Variants in ABCA6 observed in about 807,000 individuals in gnomAD.
ABCA6 encodes ATP-binding cassette sub-family A member 6.
A neutral mutation model predicts 191.2 loss-of-function variants in ABCA6; 164 were observed. The ratio of observed to expected loss-of-function variants is 0.86; its 90% CI spans 0.76 to 0.98. ABCA6 has a LOEUF of 0.98. Among genes scored for constraint, ABCA6 ranks in the 50% least tolerant of loss-of-function variants. ABCA6 has a pLI of 0.00. For synonymous variants in ABCA6, 636 were observed against 647.7 expected (o/e 0.98, Z 0.27); for missense variants, 1,958 against 1,894.1 (o/e 1.03, Z -0.63).
Position 69,085,683 on chromosome 17 carries a change from G to A in ABCA6, c.3971C>T (p.Ala1324Val). The A allele has an allele frequency of 6.2e-7, 1 of 1,612,130 alleles. No homozygotes were observed. The highest frequency in any genetic ancestry group is 1.3e-5 in the African/African-American group (1 of 74,940). ...CATTCTAATAGATGAACTTTTTCCA[G>A]CACCATTGGGTCCTAGCAATCCCAA... ...EILGLLGPNGAGKSSSIRMIS... is the reference protein window; with the variant it reads ...EILGLLGPNGVGKSSSIRMIS... The change falls in exon 31 of 39, where the codon GCT (alanine) becomes GTT (valine). Residue 1324 changes from alanine (A) to valine (V), a missense_variant. By Grantham distance (64) the Ala-to-Val change is moderately conservative (BLOSUM62 0). Coordinates refer to ENST00000284425, the MANE Select transcript of ABCA6 (RefSeq NM_080284.3).
chr17:69,134,592 G>A (rs370386292), intron 5 of ABCA6, 47 bp downstream of exon 5: 32 of 1,381,368 alleles, frequency 2.3e-5, no homozygotes, highest in Non-Finnish European at 3.1e-5. Flanking sequence ...TGAGGTCTCT[G>A]GAAGTAGCTG....
At chr17:69,094,802 T>C (rs1334527913) in intron 25 of ABCA6, 2 of 161,512 alleles carry the variant, frequency 1.2e-5, no homozygotes, top group Non-Finnish European at 2.7e-5. Context: ...TTCTGTGTAA[T>C]AAGGGTCAAC....
intron 36 of ABCA6, among the ~76,000 whole-genome samples, chr17:69,082,563 A>G (rs2072664910): frequency 6.6e-6 from 1 of 152,188 alleles, no homozygotes; most frequent in Admixed American, 6.5e-5. Flanking sequence ...AGGCCCAGGA[A>G]GGACACCATT....
intron 16 of ABCA6, chr17:69,111,966 GAA>G (rs555879256): frequency 3.8e-4 from 180 of 467,562 alleles, no homozygotes; most frequent in African/African-American, 3.4e-3. Context: ...GTCTTGCTGT[GAA>G]AAGTCAGGCT....
At chr17:69,123,537 A>C in intron 9 of ABCA6, 130 bp from the exon 10 acceptor site, 2 of 529,306 alleles carry the variant, frequency 3.8e-6, no homozygotes, top group Non-Finnish European at 5.8e-6. Context: ...TCTAAAACTC[A>C]ATTTATTATT....
rs771128488 is a variant in ABCA6 at position 69,124,909 on chromosome 17, A to G, written c.1246T>C (p.Tyr416His). The G allele has an allele frequency of 6.4e-6, 10 of 1,570,922 alleles. No individual in the cohort carries two copies. In the South Asian group the frequency reaches 8.4e-5, roughly 13 times the overall value. The change falls in exon 9 of 39, where the codon TAC becomes CAC. Residue 416 changes from tyrosine to histidine, a missense_variant. Coordinates refer to ENST00000284425, the MANE Select transcript of ABCA6 (RefSeq NM_080284.3). The stretch of plus-strand genomic sequence containing the variant: ...TTACAGGGTAAAATTTTGTCAAAGT[A>G]TAATGCCAATAGCAAGTAGATGAGA... ...DGLIYLLLAL[Y>H]FDKILPYGDE...
chr17:69,134,871 G>A (rs976767969), intron 4 of ABCA6, 129 bp from the exon 5 acceptor site: 9 of 533,872 alleles, frequency 1.7e-5, no homozygotes, highest in African/African-American at 1.1e-4. Context: ...GTGGTGTTTC[G>A]TTTTTGTTGT....
At chr17:69,138,053 C>T (rs2073977070) in intron 2 of ABCA6, among the ~76,000 whole-genome samples, 1 of 152,134 alleles carries the variant, frequency 6.6e-6, no homozygotes, top group African/African-American at 2.4e-5. Context: ...AGGATATGGG[C>T]AGAAGTGATA....
chr17:69,132,824 T>A (rs1015306731), intron 6 of ABCA6, among the ~76,000 whole-genome samples: 1 of 152,166 alleles, frequency 6.6e-6, no homozygotes, highest in African/African-American at 2.4e-5. Flanking sequence ...TTGTCTTTAT[T>A]ATGACACAAA....
intron 9 of ABCA6, among the ~76,000 whole-genome samples, chr17:69,124,445 A>G (rs142164787): frequency 3.6e-4 from 55 of 152,122 alleles, no homozygotes; most frequent in East Asian, 3.3e-3. Flanking sequence ...AATATGAACA[A>G]TATATAAAAC....
intron 13 of ABCA6, among the ~76,000 whole-genome samples, chr17:69,114,405 G>A (rs2073495151): frequency 7.3e-6 from 1 of 137,324 alleles, no homozygotes; most frequent in Non-Finnish European, 1.5e-5. Context: ...CACACATGGG[G>A]GCCTGTTGTG....
chr17:69,123,779 T>A (rs972977017), intron 9 of ABCA6, among the ~76,000 whole-genome samples: 2 of 152,096 alleles, frequency 1.3e-5, no homozygotes, highest in Non-Finnish European at 2.9e-5. Flanking sequence ...GCCTCTGTTG[T>A]CTACATCTGT....
chr17:69,114,866 C>T lies in ABCA6; in HGVS notation c.1678G>A (p.Val560Ile), dbSNP rs372285217. The change falls in exon 13 of 39, where the codon GTC (valine) becomes ATC (isoleucine). Residue 560 changes from valine (V) to isoleucine (I), a missense_variant. Val to Ile is a conservative substitution (Grantham distance 29). Transcript: ENST00000284425. ...AATTGAACATTGAATTGAGGACAGA[C>T]GCCAGTTATCTTTCTGATTTCCTCC... ...DLEEIRKITG[V>I]CPQFNVQFDI... 94 of 1,612,380 alleles carry T rather than the reference C, an allele frequency of 5.8e-5. No individual in the cohort carries two copies. The highest frequency in any genetic ancestry group is 3.5e-4 in the African/African-American group (26 of 74,884).
At chr17:69,101,776 A>G (rs558751865) in intron 21 of ABCA6, among the ~76,000 whole-genome samples, 2 of 152,218 alleles carry the variant, frequency 1.3e-5, no homozygotes, top group African/African-American at 4.8e-5. Flanking sequence ...ATCTATTAGA[A>G]GGTTTATTGT....
intron 10 of ABCA6, among the ~76,000 whole-genome samples, chr17:69,122,982 G>A (rs2073677262): frequency 6.9e-6 from 1 of 145,924 alleles, no homozygotes; most frequent in South Asian, 2.3e-4. Context: ...ATGGACACAG[G>A]AAGGGGAACA....
At chr17:69,091,957 T>TAA (rs139598853) in intron 25 of ABCA6, among the ~76,000 whole-genome samples, 26 of 151,664 alleles carry the variant, frequency 1.7e-4, no homozygotes, top group African/African-American at 6.0e-4. Context: ...ATGGCTATTA[T>TAA]AAAAAAAAAC....
chr17:69,118,913 T>C (rs904290289), intron 10 of ABCA6, among the ~76,000 whole-genome samples: 4 of 151,978 alleles, frequency 2.6e-5, no homozygotes, highest in Non-Finnish European at 5.9e-5. Flanking sequence ...GCTGCATAGA[T>C]AGTCTCTCTC....
intron 17 of ABCA6, chr17:69,109,493 T>C (rs2073376895): frequency 6.6e-6 from 1 of 152,220 alleles, no homozygotes; most frequent in South Asian, 2.1e-4. Context: ...TGTTTTTCTC[T>C]GCAAAATAGT....
chr17:69,082,163 TTCTGA>T (rs1675882008), intron 36 of ABCA6, among the ~76,000 whole-genome samples: 1 of 152,164 alleles, frequency 6.6e-6, no homozygotes, highest in South Asian at 2.1e-4. Flanking sequence ...AAGTTACATG[TTCTGA>T]TATCTATCTT....
Sources: gnomAD v4.1 joint callset for allele counts (sites outside exome capture counted in the v4.1 genomes callset) on GRCh38, gnomAD v4.1.1 for gene constraint, MANE v1.5 for transcripts, NCBI Gene and HGNC (gene_info 2026-07-23, HGNC 2026-07-21) for gene names.